The following LPIN2 variants were observed in gnomAD, a reference collection of about 807,000 sequenced individuals.
LPIN2 encodes phosphatidate phosphatase LPIN2.
In LPIN2, 55 loss-of-function variants were observed where a neutral mutation model predicts 111.4. The observed-to-expected ratio is 0.49, with a 90% confidence interval of 0.40 to 0.62. The LOEUF is 0.62. Ranked by LOEUF, LPIN2 falls within the 20% of genes least tolerant of loss-of-function variation. LPIN2 has a pLI of 0.00. For synonymous variants in LPIN2, 425 were observed against 414.0 expected (o/e 1.03, Z -0.32); for missense variants, 992 against 1,112.1 (o/e 0.89, Z 1.54).
chr18:2,946,309 C>T lies in LPIN2; in HGVS notation c.590+4746G>A, dbSNP rs759839934. On this transcript the variant is annotated intron_variant, in intron 4 of 19. Transcript: ENST00000677752. ...GTTCCTTCTCCTCAGTAGTCTTGACCTCAGGTTTGACTGGCTCAGGTGGCT... is the reference window on the plus strand; with the variant it reads ...GTTCCTTCTCCTCAGTAGTCTTGACTTCAGGTTTGACTGGCTCAGGTGGCT... The T allele has an allele frequency of 7.9e-6, 12 of 1,517,484 alleles. No individual in the cohort carries two copies. In the African/African-American group the frequency reaches 1.1e-4, roughly 14 times the overall value. The allele number at this position is 1,517,484 out of a possible 1,614,324, so 94.0% of individuals were successfully genotyped here.
chr18:2,970,031 TGGCA>T (rs2077880779), intron 1 of LPIN2, among the ~76,000 whole-genome samples: 1 of 152,218 alleles, frequency 6.6e-6, no homozygotes, highest in Admixed American at 6.5e-5. Flanking sequence ...ATTCTAGAAC[TGGCA>T]GTGCTTCTGT....
chr18:2,921,207 G>A, intron 18 of LPIN2: 1 of 548,104 alleles, frequency 1.8e-6, no homozygotes, highest in East Asian at 3.3e-5. Context: ...CGAAGGGCCA[G>A]CACTGACCCT....
chr18:2,940,838 T>C, intron 4 of LPIN2, 126 bp from the exon 5 acceptor site: 1 of 690,288 alleles, frequency 1.4e-6, no homozygotes, highest in South Asian at 1.5e-5. Context: ...TAACTCTCTC[T>C]AAAATATATG....
chr18:2,971,698 T>G (rs1208277646), intron 1 of LPIN2, among the ~76,000 whole-genome samples: 1 of 151,028 alleles, frequency 6.6e-6, no homozygotes, highest in African/African-American at 2.4e-5. Context: ...TCTCACTGAC[T>G]TAGAGTAAAA....
At chr18:2,921,298 C>T (rs2144114800) in intron 18 of LPIN2, 1 of 597,886 alleles carries the variant, frequency 1.7e-6, no homozygotes, top group South Asian at 2.0e-5. Context: ...GAATGGCAGC[C>T]ACAGAAACGA....
Position 2,917,197 on chromosome 18 carries a change from T to A in LPIN2, c.*3096A>T, listed in dbSNP as rs1476913932. 6.6e-6 allele frequency: 1 copy of A among 152,252 alleles called. No homozygotes were observed. Among genetic ancestry groups the A allele is most frequent in the Non-Finnish European group, 1.5e-5 (1 of 68,042 alleles). 9.4% of individuals were successfully genotyped at this position (152,252 alleles called of 1,614,324 possible). A position where few individuals can be genotyped will look rare whatever the true frequency, so the allele number is the denominator to read the frequency against. On this transcript the variant is annotated 3_prime_UTR_variant, in exon 20 of 20. Coordinates refer to ENST00000677752, the MANE Select transcript of LPIN2 (RefSeq NM_001375808.2). ...AATAATCAAATACTTCATCATAGGC[T>A]GAACATAATTATTAAAAGAGCAAAG...
intron 9 of LPIN2, among the ~76,000 whole-genome samples, chr18:2,929,968 C>G (rs191214355): frequency 3.8e-4 from 58 of 151,982 alleles, no homozygotes; most frequent in South Asian, 8.3e-4. Flanking sequence ...ATTAAAAAAA[C>G]AAAACAAGGC....
intron 1 of LPIN2, among the ~76,000 whole-genome samples, chr18:2,986,704 T>C (rs1029443269): frequency 8.5e-5 from 13 of 152,228 alleles, no homozygotes; most frequent in African/African-American, 2.9e-4. Context: ...GTCTAACCCT[T>C]CCAACACAAA....
At chr18:2,922,569 G>T (rs2077070964) in intron 16 of LPIN2, among the ~76,000 whole-genome samples, 1 of 152,170 alleles carries the variant, frequency 6.6e-6, no homozygotes, top group East Asian at 1.9e-4. Context: ...GAGCCACCAT[G>T]CTCAACCCAT....
At chr18:2,949,683 GTTTAATTCTAAGA>G (rs2077504958) in intron 4 of LPIN2, among the ~76,000 whole-genome samples, 1 of 152,116 alleles carries the variant, frequency 6.6e-6, no homozygotes, top group Non-Finnish European at 1.5e-5. Flanking sequence ...AAATATAGAT[GTTTAATTCTAAGA>G]TTTAAAATCT....
chr18:2,937,184 T>C (rs763227054), intron 7 of LPIN2, among the ~76,000 whole-genome samples: 1 of 152,192 alleles, frequency 6.6e-6, no homozygotes. Context: ...GAGACAGCAG[T>C]GTGCAAGTCA....
Position 2,925,984 on chromosome 18 carries a change from C to G in LPIN2, c.1794-616G>C, listed in dbSNP as rs988983648. On this transcript the variant is annotated intron_variant, in intron 13 of 19. Transcript: ENST00000677752. This position sits in a 1 kb window ranked among gnomAD's most constrained non-coding sequence, Gnocchi z 4.1. ...AGCAAGACCCTGTCTCTACAAAATA[C>G]AAATTTAAAAATTAGCCAGGCATGG... is the stretch of plus-strand genomic sequence containing the variant. 4.6e-5 allele frequency among the ~76,000 whole-genome samples: 7 copies of G among 152,010 alleles called. No individual in the cohort carries two copies. Among genetic ancestry groups the G allele is most frequent in the African/African-American group, 9.7e-5 (4 of 41,376 alleles).
At chr18:2,991,744 G>A (rs1478120605) in intron 1 of LPIN2, among the ~76,000 whole-genome samples, 1 of 152,146 alleles carries the variant, frequency 6.6e-6, no homozygotes, top group Non-Finnish European at 1.5e-5. Flanking sequence ...GGGCACAGTG[G>A]CTCACGCCTA....
intron 1 of LPIN2, among the ~76,000 whole-genome samples, chr18:2,995,788 G>C (rs907979446): frequency 6.6e-6 from 1 of 152,202 alleles, no homozygotes; most frequent in Non-Finnish European, 1.5e-5. Flanking sequence ...GGGGATAAAA[G>C]GATACACTGT....
rs1244710903 is a variant in LPIN2 at position 2,918,642 on chromosome 18, A to G, written c.*1651T>C. 6.6e-6 allele frequency: 1 copy of G among 152,206 alleles called. No individual in the cohort carries two copies. Among genetic ancestry groups the G allele is most frequent in the East Asian group, 1.9e-4 (1 of 5,194 alleles). 9.4% of individuals were successfully genotyped at this position (152,206 alleles called of 1,614,324 possible). On this transcript the variant is annotated 3_prime_UTR_variant, in exon 20 of 20. Coordinates refer to ENST00000677752, the MANE Select transcript of LPIN2 (RefSeq NM_001375808.2). The stretch of plus-strand genomic sequence containing the variant: ...CTCATGTGGTCCCTTCTCTGGGAAC[A>G]TGAGCCTTCCTAGGTTTTGCCACTG...
At chr18:2,991,510 A>G (rs972954933) in intron 1 of LPIN2, among the ~76,000 whole-genome samples, 2 of 152,042 alleles carry the variant, frequency 1.3e-5, no homozygotes, top group Admixed American at 6.6e-5. Context: ...CAGGAGTTAG[A>G]GACCAGTGTA....
Position 2,942,425 on chromosome 18 carries a change from C to T in LPIN2, c.591-1713G>A, listed in dbSNP as rs551023236. Among the ~76,000 whole-genome samples, 63 of 152,262 alleles carry T rather than the reference C, an allele frequency of 4.1e-4. No homozygotes were observed. In the South Asian group the frequency reaches 0.012, roughly 28 times the overall value. On this transcript the variant is annotated intron_variant, in intron 4 of 19. Transcript: ENST00000677752. ...TCAGCTTGACCCATCACTATCCATA[C>T]GTGAAAGTGGTCTGAAAAGAACAAT...
intron 1 of LPIN2, among the ~76,000 whole-genome samples, chr18:2,979,398 A>AT (rs1297078464): frequency 2.6e-5 from 4 of 152,346 alleles, no homozygotes; most frequent in Non-Finnish European, 2.9e-5. Flanking sequence ...CATTTGCTGG[A>AT]TATCTGCCCA....
intron 1 of LPIN2, chr18:2,967,741 C>A (rs2077830859): frequency 6.6e-6 from 1 of 152,212 alleles, no homozygotes; most frequent in Non-Finnish European, 1.5e-5. Context: ...CCGAGGGAAG[C>A]TGTTCTCAGA....
Sources: allele counts gnomAD v4.1 joint callset (sites outside exome capture counted in the v4.1 genomes callset), GRCh38; gene constraint gnomAD v4.1.1; non-coding constraint Gnocchi (gnomAD v3.1); transcripts MANE v1.5; gene names NCBI Gene and HGNC (gene_info 2026-07-23, HGNC 2026-07-21).